The following MEIS2 variants were observed in gnomAD, a reference collection of about 807,000 sequenced individuals.
The protein encoded by MEIS2 is homeobox protein Meis2.
In MEIS2, 9 loss-of-function variants were observed where a neutral mutation model predicts 58.6. That is an observed-to-expected ratio of 0.15 (90% CI 0.09 to 0.27). The LOEUF (loss-of-function observed/expected upper bound fraction) is 0.27. MEIS2 is among the 10% of genes least tolerant of loss of function. The pLI is 1.00. For synonymous variants in MEIS2, 221 were observed against 228.4 expected, an observed-to-expected ratio of 0.97 and a Z score of 0.29; for missense variants, 427 against 635.0, an observed-to-expected ratio of 0.67 and a Z score of 3.52.
chr15:37,055,078 G>GT (rs1177721425), intron 7 of MEIS2, among the ~76,000 whole-genome samples: 4 of 152,160 alleles, frequency 2.6e-5, no homozygotes, highest in Non-Finnish European at 4.4e-5. Flanking sequence ...GGTCTTATAG[G>GT]TAACAGTGCA....
chr15:37,052,863 A>G (rs1430066961), intron 7 of MEIS2, among the ~76,000 whole-genome samples: 1 of 152,056 alleles, frequency 6.6e-6, no homozygotes, highest in East Asian at 1.9e-4. Context: ...GTGTGCTACT[A>G]CTTAAGTGGG....
intron 8 of MEIS2, among the ~76,000 whole-genome samples, chr15:37,012,728 T>C (rs1043968235): frequency 2.0e-5 from 3 of 152,222 alleles, no homozygotes; most frequent in Non-Finnish European, 4.4e-5. Flanking sequence ...TGTGTACAAA[T>C]TCAATTACAT....
At chr15:37,034,431 A>T (rs1210550635) in intron 8 of MEIS2, among the ~76,000 whole-genome samples, 2 of 152,218 alleles carry the variant, frequency 1.3e-5, no homozygotes, top group African/African-American at 4.8e-5. Context: ...AGTCGGACAG[A>T]GAATTCTGCA....
chr15:37,095,240 C>T (rs909438811), intron 4 of MEIS2, among the ~76,000 whole-genome samples: 6 of 148,730 alleles, frequency 4.0e-5, no homozygotes, highest in Admixed American at 4.0e-4. Context: ...CGGGGCTCGG[C>T]CGCCTGCCCC....
chr15:37,070,063 T>C (rs1890493176), intron 7 of MEIS2, among the ~76,000 whole-genome samples: 1 of 152,158 alleles, frequency 6.6e-6, no homozygotes, highest in Non-Finnish European at 1.5e-5. Context: ...AGTAAAAGTC[T>C]GCTGGGATCC....
chr15:36,967,203 A>G (rs2059384234), intron 8 of MEIS2, among the ~76,000 whole-genome samples: 1 of 152,120 alleles, frequency 6.6e-6, no homozygotes. Flanking sequence ...CACATTTTAA[A>G]CGCTCATGAT....
chr15:36,936,120 A>G (rs2058159800), intron 9 of MEIS2, among the ~76,000 whole-genome samples: 1 of 151,766 alleles, frequency 6.6e-6, no homozygotes, highest in Admixed American at 6.6e-5. Context: ...ACCAGGCACT[A>G]TGGCAGGCAC....
intron 6 of MEIS2, among the ~76,000 whole-genome samples, chr15:37,085,635 G>A (rs973078919): frequency 2.6e-5 from 4 of 152,152 alleles, no homozygotes; most frequent in Non-Finnish European, 5.9e-5. Context: ...GATTCAAAGT[G>A]AAAACCCTGA....
intron 8 of MEIS2, among the ~76,000 whole-genome samples, chr15:37,003,425 G>T (rs2060807996): frequency 6.6e-6 from 1 of 151,626 alleles, no homozygotes; most frequent in African/African-American, 2.4e-5. Flanking sequence ...CATACATTTT[G>T]ATTTTTTTTA....
intron 7 of MEIS2, among the ~76,000 whole-genome samples, chr15:37,078,552 TC>T (rs1891737285): frequency 1.1e-5 from 1 of 94,294 alleles, no homozygotes; most frequent in Non-Finnish European, 2.1e-5. Flanking sequence ...TAATGAAAAA[TC>T]CTTTGCATTT....
At chr15:36,920,945 T>C (rs1230715563) in intron 9 of MEIS2, among the ~76,000 whole-genome samples, 4 of 152,078 alleles carry the variant, frequency 2.6e-5, no homozygotes, top group Non-Finnish European at 5.9e-5. Context: ...TTGTTTTCTA[T>C]TGGTAAAAGC....
intron 4 of MEIS2, 135 bp from the exon 5 acceptor site, chr15:37,094,712 T>G (rs1020745922): frequency 1.5e-6 from 1 of 648,828 alleles, no homozygotes; most frequent in Admixed American, 3.0e-5. Context: ...CAGGAAAAAC[T>G]TAAACATCAA....
At chr15:37,076,473 AC>A (rs1272565919) in intron 7 of MEIS2, among the ~76,000 whole-genome samples, 1 of 151,732 alleles carries the variant, frequency 6.6e-6, no homozygotes, top group African/African-American at 2.4e-5. Context: ...TAGCCTTAAG[AC>A]CCCCAAGGCT....
At chr15:37,047,956 A>T (rs2062743445) in intron 7 of MEIS2, among the ~76,000 whole-genome samples, 1 of 152,220 alleles carries the variant, frequency 6.6e-6, no homozygotes, top group African/African-American at 2.4e-5. Flanking sequence ...TTGTCACACA[A>T]AATGTCCTTC....
intron 9 of MEIS2, among the ~76,000 whole-genome samples, chr15:36,947,446 G>A (rs946059178): frequency 6.6e-6 from 1 of 151,788 alleles, no homozygotes; most frequent in Non-Finnish European, 1.5e-5. Context: ...ATTGCTTATT[G>A]CTCTCATCAA....
At chr15:36,933,582 A>G (rs1012530811) in intron 9 of MEIS2, among the ~76,000 whole-genome samples, 1 of 107,302 alleles carries the variant, frequency 9.3e-6, no homozygotes, top group Non-Finnish European at 1.7e-5. Flanking sequence ...TTTAGCATTT[A>G]TGTGTATGTG....
intron 9 of MEIS2, among the ~76,000 whole-genome samples, chr15:36,941,836 T>C (rs969806843): frequency 6.6e-6 from 1 of 152,136 alleles, no homozygotes; most frequent in Non-Finnish European, 1.5e-5. Flanking sequence ...ATTAAAGAGA[T>C]TTTTCACGTG....
intron 7 of MEIS2, among the ~76,000 whole-genome samples, chr15:37,060,943 T>G (rs1018293166): frequency 6.6e-6 from 1 of 152,178 alleles, no homozygotes; most frequent in Admixed American, 6.5e-5. Context: ...TTTGAGGGTA[T>G]CACACACTTG....
At position 36,892,255 on chromosome 15, in the gene MEIS2, G is replaced by A. The variant is rs142325445; in HGVS notation, c.1352C>T (p.Thr451Ile). The change falls in exon 12 of 12, where the codon ACT (threonine) becomes ATT (isoleucine). Residue 451 changes from threonine to isoleucine, a missense_variant. Around this residue, in one of 6 missense-constraint regions of MEIS2, gnomAD observed 154 missense variants for 148.1 expected, o/e 1.04. Coordinates refer to ENST00000561208, the MANE Select transcript of MEIS2 (RefSeq NM_170675.5). ...HGGPPTHPGMTMSAQSPTMLN... is the reference protein window; with the variant it reads ...HGGPPTHPGMIMSAQSPTMLN... ...CATTGTGGGGCTCTGTGCTGACATA[G>A]TCATTCCAGGGTGGGTAGGGGGTCC... The A allele has an allele frequency of 3.1e-6, 5 of 1,614,018 alleles. No individual in the cohort carries two copies. Among genetic ancestry groups the A allele is most frequent in the Non-Finnish European group, 4.2e-6 (5 of 1,180,026 alleles).
Sources: gnomAD v4.1 joint callset for allele counts (sites outside exome capture counted in the v4.1 genomes callset) on GRCh38, gnomAD v4.1.1 for gene constraint, gnomAD v4.1.1 regional missense constraint, MANE v1.5 for transcripts, NCBI Gene and HGNC (gene_info 2026-07-23, HGNC 2026-07-21) for gene names.